ATP13A5: variants seen among roughly 807,000 people sequenced by gnomAD.
ATP13A5 encodes ATPase 13A5, also known as probable cation-transporting ATPase 13A5.
Under a neutral mutation model 150.2 loss-of-function variants are expected in ATP13A5, and 149 were observed. That is an observed-to-expected ratio of 0.99 (90% confidence interval 0.87 to 1.14). ATP13A5 has a LOEUF of 1.14. ATP13A5 is among the 50% of genes most tolerant of loss of function. The pLI, the probability that ATP13A5 is intolerant of heterozygous loss-of-function variation, is 0.00. For synonymous variants in ATP13A5, 497 were observed against 522.2 expected, an observed-to-expected ratio of 0.95 and a Z score of 0.66; for missense variants, 1,383 against 1,449.3, an observed-to-expected ratio of 0.95 and a Z score of 0.74.
At chr3:193,283,573 A>G (rs968009803) in intron 27 of ATP13A5, among the ~76,000 whole-genome samples, 11 of 152,134 alleles carry the variant, frequency 7.2e-5, no homozygotes, top group South Asian at 2.1e-4. Context: ...ACCAGCACAA[A>G]TTTTGTTTTT....
intron 7 of ATP13A5, among the ~76,000 whole-genome samples, chr3:193,346,891 T>A (rs7638915): frequency 0.95 from 144,439 of 152,230 alleles, 68,554 homozygotes; most frequent in Middle Eastern, 0.98. Context: ...GCATGCATTT[T>A]AATGATGCGT....
At chr3:193,301,332 A>T (rs1430696184) in intron 23 of ATP13A5, 25 bp from the exon 24 acceptor site, 1 of 1,580,748 alleles carries the variant, frequency 6.3e-7, no homozygotes, top group African/African-American at 1.4e-5. Context: ...ATAAAAATAA[A>T]AATTGGTTAT....
At chr3:193,340,201 A>G (rs1358855361) in intron 9 of ATP13A5, among the ~76,000 whole-genome samples, 4 of 152,190 alleles carry the variant, frequency 2.6e-5, no homozygotes, top group African/African-American at 9.7e-5. Flanking sequence ...AAGGATCAAG[A>G]TGCCTCTTCA....
At chr3:193,309,307 C>T (rs1208450698) in intron 21 of ATP13A5, among the ~76,000 whole-genome samples, 1 of 152,128 alleles carries the variant, frequency 6.6e-6, no homozygotes, top group Non-Finnish European at 1.5e-5. Context: ...TCTAATGGAC[C>T]AACCTAAAAT....
chr3:193,290,629 T>C (rs998370846), intron 25 of ATP13A5, among the ~76,000 whole-genome samples: 2 of 152,162 alleles, frequency 1.3e-5, no homozygotes, highest in Non-Finnish European at 2.9e-5. Flanking sequence ...AATGGGGGAC[T>C]GCTGATGTAT....
chr3:193,354,031 C>A, intron 6 of ATP13A5, 96 bp downstream of exon 6: 1 of 951,690 alleles, frequency 1.1e-6, no homozygotes, highest in South Asian at 1.8e-5. Flanking sequence ...AACAAGATAT[C>A]ATTCACATCA....
At chr3:193,338,647 G>A (rs1270455832) in intron 9 of ATP13A5, among the ~76,000 whole-genome samples, 1 of 152,148 alleles carries the variant, frequency 6.6e-6, no homozygotes, top group Non-Finnish European at 1.5e-5. Context: ...GTATTTTATT[G>A]AGGATTTTTG....
At chr3:193,332,699 G>T (rs1369957801) in intron 11 of ATP13A5, among the ~76,000 whole-genome samples, 4 of 152,010 alleles carry the variant, frequency 2.6e-5, no homozygotes, top group Admixed American at 2.0e-4. Context: ...TGACCCTAAG[G>T]ACTCAGCCTT....
At chr3:193,326,628 AT>A (rs1378323614) in intron 13 of ATP13A5, among the ~76,000 whole-genome samples, 27 of 152,168 alleles carry the variant, frequency 1.8e-4, no homozygotes, top group Admixed American at 1.8e-3. Context: ...AGGTGGGTGT[AT>A]TTGCACCTTT....
Position 193,285,030 on chromosome 3 carries a change from C to T in ATP13A5, c.3110G>A (p.Gly1037Asp), listed in dbSNP as rs941746605. 1.2e-6 allele frequency: 2 copies of T among 1,613,900 alleles called. No homozygotes were observed. The highest frequency in any genetic ancestry group is 2.7e-5 in the African/African-American group (2 of 74,900). ...NWTGNATLIP[G>D]SILSFETTTL... ...GGTGGTCTCAAAACTTAAAATTGAA[C>T]CAGGAATCAGAGTTGCATTTCCAGT... Residue 1037 changes from glycine (G) to aspartate (D), a missense_variant, in exon 27 of 30, where the codon GGT becomes GAT. Gly to Asp is a moderately conservative substitution (Grantham distance 94). Around this residue, in one of 3 missense-constraint regions of ATP13A5, gnomAD observed 568 missense variants for 621.5 expected, o/e 0.91. Coordinates refer to ENST00000342358, the MANE Select transcript of ATP13A5 (RefSeq NM_198505.4).
intron 26 of ATP13A5, among the ~76,000 whole-genome samples, chr3:193,287,874 A>G (rs1717783252): frequency 6.6e-6 from 1 of 152,170 alleles, no homozygotes; most frequent in Admixed American, 6.6e-5. Flanking sequence ...TCTAGATGTC[A>G]TTAATAACAT....
chr3:193,333,632 T>C (rs1043974483), intron 11 of ATP13A5, 118 bp downstream of exon 11: 1 of 1,054,040 alleles, frequency 9.5e-7, no homozygotes, highest in African/African-American at 1.6e-5. Flanking sequence ...GAAGCTCTTT[T>C]GGACAGTAAT....
At chr3:193,326,887 T>G in intron 13 of ATP13A5, 109 bp downstream of exon 13, 1 of 911,932 alleles carries the variant, frequency 1.1e-6, no homozygotes, top group South Asian at 1.4e-5. Context: ...CAGCCAACTA[T>G]TGTATATATT....
intron 26 of ATP13A5, among the ~76,000 whole-genome samples, chr3:193,288,162 ATGT>A (rs565205270): frequency 5.6e-4 from 86 of 152,298 alleles, no homozygotes; most frequent in African/African-American, 1.9e-3. Flanking sequence ...CCTGGTGAAG[ATGT>A]TGTAAGCATT....
chr3:193,301,724 G>T (rs749975570), intron 23 of ATP13A5, among the ~76,000 whole-genome samples: 2 of 152,144 alleles, frequency 1.3e-5, no homozygotes, highest in Non-Finnish European at 2.9e-5. Context: ...ATGCTTCCTG[G>T]GAATTGCATT....
At chr3:193,301,761 C>T (rs888008914) in intron 23 of ATP13A5, among the ~76,000 whole-genome samples, 4 of 152,206 alleles carry the variant, frequency 2.6e-5, no homozygotes, top group African/African-American at 7.2e-5. Flanking sequence ...TCCTTGGAGA[C>T]ATAAAGCTAA....
chr3:193,343,847 T>C, intron 9 of ATP13A5, 80 bp downstream of exon 9: 6 of 1,479,788 alleles, frequency 4.1e-6, no homozygotes, highest in Non-Finnish European at 5.4e-6. Context: ...TTAGCAAGGG[T>C]CTGGTATAAG....
chr3:193,355,381 A>G (rs1712743230), intron 5 of ATP13A5, among the ~76,000 whole-genome samples: 1 of 152,180 alleles, frequency 6.6e-6, no homozygotes, highest in Non-Finnish European at 1.5e-5. Context: ...CGATAAACCA[A>G]GAAACTTTTC....
intron 5 of ATP13A5, among the ~76,000 whole-genome samples, chr3:193,359,343 G>A (rs1712914144): frequency 6.6e-6 from 1 of 152,060 alleles, no homozygotes; most frequent in African/African-American, 2.4e-5. Flanking sequence ...CCAAGACTGA[G>A]GAGTAAGAGA....
Sources: allele counts gnomAD v4.1 joint callset (sites outside exome capture counted in the v4.1 genomes callset), GRCh38; gene constraint gnomAD v4.1.1; regional missense constraint gnomAD v4.1.1; transcripts MANE v1.5; gene names NCBI Gene and HGNC (gene_info 2026-07-23, HGNC 2026-07-21).